GLIPR1L1: variants seen among roughly 807,000 people sequenced by gnomAD.
GLIPR1L1 encodes the protein GLIPR1-like protein 1.
In GLIPR1L1, 26 loss-of-function variants were observed where a neutral mutation model predicts 29.9. The ratio of observed to expected loss-of-function variants is 0.87; its 90% CI spans 0.64 to 1.21. The LOEUF is 1.21. Among genes scored for constraint, GLIPR1L1 ranks in the 50% most tolerant of loss-of-function variants. The pLI, the probability that GLIPR1L1 is intolerant of heterozygous loss-of-function variation, is 0.00. For synonymous variants in GLIPR1L1, 77 were observed against 97.5 expected (o/e 0.79, Z 1.24); for missense variants, 305 against 290.3 (o/e 1.05, Z -0.37).
In GLIPR1L1 at chr12:75,336,203, A is replaced by G. The variant is rs142330457; in HGVS notation, c.174+1301A>G. Among the ~76,000 whole-genome samples, 8 of 152,086 alleles carry G rather than the reference A, an allele frequency of 5.3e-5. No individual in the cohort carries two copies. In the East Asian group the frequency reaches 1.5e-3, roughly 29 times the overall value. On this transcript the variant is annotated intron_variant, in intron 1 of 5. Transcript: ENST00000378695. ...TTTAATATCTAGGATAACCATTAAA[A>G]ATATACAAAGAAGTAGAGCTAAAAA...
chr12:75,339,941 A>G (rs2041990816), intron 1 of GLIPR1L1, among the ~76,000 whole-genome samples: 1 of 151,984 alleles, frequency 6.6e-6, no homozygotes, highest in Admixed American at 6.6e-5. Flanking sequence ...TGAGTCCCCA[A>G]AGTCCATCAT....
At position 75,334,761 on chromosome 12, in the gene GLIPR1L1, G is replaced by A; in HGVS notation, c.33G>A (p.Trp11Ter). MALKNKFSCL[W>*]ILGLCLVATT... Reference sequence around the variant, plus strand: ...TGAAGAATAAATTCAGTTGTTTATGGATCTTGGGTCTGTGTTTGGTAGCCA... The same window carrying A: ...TGAAGAATAAATTCAGTTGTTTATGAATCTTGGGTCTGTGTTTGGTAGCCA... Residue 11 changes from tryptophan to a stop codon, truncating the protein, a stop_gained, in exon 1 of 6, where the codon TGG becomes TGA. Coordinates refer to ENST00000378695, the MANE Select transcript of GLIPR1L1 (RefSeq NM_001304964.2). LOFTEE classifies it high-confidence loss of function. The A allele has an allele frequency of 6.2e-7, 1 of 1,614,074 alleles. No individual in the cohort carries two copies. Among genetic ancestry groups the A allele is most frequent in the Non-Finnish European group, 8.5e-7 (1 of 1,179,992 alleles).
chr12:75,365,542 T>C (rs988994836), intron 4 of GLIPR1L1, among the ~76,000 whole-genome samples: 1 of 152,144 alleles, frequency 6.6e-6, no homozygotes, highest in African/African-American at 2.4e-5. Context: ...TCAATAAGAA[T>C]ACATTTTTAA....
intron 4 of GLIPR1L1, chr12:75,364,923 AG>A (rs1364800739): frequency 6.6e-6 from 1 of 152,170 alleles, no homozygotes; most frequent in Non-Finnish European, 1.5e-5. Flanking sequence ...TTAATTCTAC[AG>A]GAATCAGCAA....
chr12:75,343,545 CACTA>C (rs1323758451), intron 1 of GLIPR1L1, 144 bp from the exon 2 acceptor site: 5 of 631,358 alleles, frequency 7.9e-6, no homozygotes, highest in Non-Finnish European at 1.1e-5. Flanking sequence ...AAAAAGAAAT[CACTA>C]ACTATGCACA....
intron 3 of GLIPR1L1, among the ~76,000 whole-genome samples, chr12:75,357,853 T>C (rs779472478): frequency 6.6e-6 from 1 of 150,852 alleles, no homozygotes; most frequent in Non-Finnish European, 1.5e-5. Context: ...AAAACAGTAA[T>C]TATGAGAAAA....
chr12:75,335,794 A>G (rs991531009), intron 1 of GLIPR1L1, among the ~76,000 whole-genome samples: 3 of 152,076 alleles, frequency 2.0e-5, no homozygotes, highest in African/African-American at 4.8e-5. Context: ...ATATTTTAAT[A>G]TATAATGTTT....
In GLIPR1L1 at chr12:75,347,683, G is replaced by C. The variant is rs1395187582; in HGVS notation, c.482G>C (p.Gly161Ala). ...GTTGCAATGTGTCCTAACCTTGGGG[G>C]AGCTTCAACTGCAATATTTGTATGC... ...CAVAMCPNLG[G>A]ASTAIFVCNY... The change falls in exon 3 of 6, where the codon GGA becomes GCA. Residue 161 changes from glycine to alanine, a missense_variant. Gly to Ala is a moderately conservative substitution (Grantham distance 60). Transcript: ENST00000378695. The C allele has an allele frequency of 6.2e-7, 1 of 1,606,798 alleles. No homozygotes were observed. The highest frequency in any genetic ancestry group is 8.5e-7 in the Non-Finnish European group (1 of 1,175,442).
At chr12:75,343,597 A>G in intron 1 of GLIPR1L1, 96 bp from the exon 2 acceptor site, 1 of 934,114 alleles carries the variant, frequency 1.1e-6, no homozygotes, top group Non-Finnish European at 1.6e-6. Context: ...TTATTAAAAT[A>G]ATAAATTTAA....
rs2042266658 is a variant in GLIPR1L1 at position 75,343,746 on chromosome 12, AT to A, written c.231del (p.Phe77LeufsTer26). 1 of 1,612,760 alleles carries A rather than the reference AT, an allele frequency of 6.2e-7. No homozygotes were observed. The highest frequency in any genetic ancestry group is 8.5e-7 in the Non-Finnish European group (1 of 1,179,054). ...MAKAWANQCK[F>X]EHNDCLDKSY... ...CTAAAGCATGGGCAAACCAGTGCAAATTTGAACATAATGACTGTTTGGATAA... is the reference window on the plus strand; with the variant it reads ...CTAAAGCATGGGCAAACCAGTGCAAATTGAACATAATGACTGTTTGGATAA... On this transcript the variant is annotated frameshift_variant, in exon 2 of 6. Coordinates refer to ENST00000378695, the MANE Select transcript of GLIPR1L1 (RefSeq NM_001304964.2). LOFTEE classifies it high-confidence loss of function.
intron 4 of GLIPR1L1, among the ~76,000 whole-genome samples, chr12:75,367,947 C>T (rs1358251110): frequency 6.6e-6 from 1 of 152,066 alleles, no homozygotes; most frequent in Non-Finnish European, 1.5e-5. Flanking sequence ...TCCTCATAGC[C>T]AGGTTATAAA....
chr12:75,366,703 A>T, intron 4 of GLIPR1L1: 1 of 548,462 alleles, frequency 1.8e-6, no homozygotes, highest in Non-Finnish European at 3.2e-6. Flanking sequence ...TTTGTGTTGC[A>T]GATCAATGTG....
chr12:75,356,123 C>G (rs376940722), intron 3 of GLIPR1L1, among the ~76,000 whole-genome samples: 1 of 151,604 alleles, frequency 6.6e-6, no homozygotes, highest in Non-Finnish European at 1.5e-5. Flanking sequence ...GCATTTTTAC[C>G]CTGGAACTTA....
chr12:75,360,634 T>C (rs2043514385), intron 3 of GLIPR1L1: 2 of 152,196 alleles, frequency 1.3e-5, no homozygotes, highest in African/African-American at 4.8e-5. Flanking sequence ...CAGGCTGATA[T>C]TGAGAGCTTG....
At chr12:75,339,084 A>C (rs753060355) in intron 1 of GLIPR1L1, among the ~76,000 whole-genome samples, 1 of 152,174 alleles carries the variant, frequency 6.6e-6, no homozygotes, top group Non-Finnish European at 1.5e-5. Flanking sequence ...TATGCTTATA[A>C]TAGAATGATC....
chr12:75,361,543 C>T (rs1027222554), intron 3 of GLIPR1L1, among the ~76,000 whole-genome samples: 5 of 152,162 alleles, frequency 3.3e-5, no homozygotes, highest in African/African-American at 9.7e-5. Context: ...ACAGCCCAAG[C>T]TGTACCTCAG....
At chr12:75,363,065 C>A in intron 3 of GLIPR1L1, 37 bp from the exon 4 acceptor site, 2 of 1,084,052 alleles carry the variant, frequency 1.8e-6, no homozygotes, top group Non-Finnish European at 2.7e-6. Context: ...GAGAAATTAA[C>A]AGCCATTTGG....
At chr12:75,338,716 A>T (rs570432401) in intron 1 of GLIPR1L1, among the ~76,000 whole-genome samples, 1 of 152,160 alleles carries the variant, frequency 6.6e-6, no homozygotes, top group East Asian at 1.9e-4. Context: ...TAAGCCCAGC[A>T]TCTATTAGCT....
At chr12:75,354,458 A>G (rs1222877325) in intron 3 of GLIPR1L1, among the ~76,000 whole-genome samples, 1 of 152,186 alleles carries the variant, frequency 6.6e-6, no homozygotes, top group Non-Finnish European at 1.5e-5. Context: ...AGAACTACAA[A>G]CCACTGCTCA....
Sources: allele counts gnomAD v4.1 joint callset (sites outside exome capture counted in the v4.1 genomes callset), GRCh38; gene constraint gnomAD v4.1.1; transcripts MANE v1.5; gene names NCBI Gene and HGNC (gene_info 2026-07-23, HGNC 2026-07-21).